RBM20: variants seen among roughly 807,000 people sequenced by gnomAD.
RBM20 encodes RNA binding motif protein 20, also known as RNA-binding protein 20.
Under a neutral mutation model 110.1 loss-of-function variants are expected in RBM20, and 51 were observed. The observed-to-expected ratio is 0.46, with a 90% confidence interval of 0.37 to 0.59. The LOEUF is 0.59. Among genes scored for constraint, RBM20 ranks in the 20% least tolerant of loss-of-function variants. RBM20 has a pLI of 0.00. For missense variants in RBM20, 1,512 were observed against 1,574.9 expected, an observed-to-expected ratio of 0.96 and a Z score of 0.68; for synonymous variants, 589 against 618.2, an observed-to-expected ratio of 0.95 and a Z score of 0.70.
chr10:110,784,478 A>G (rs1844395845), intron 4 of RBM20, 46 bp downstream of exon 4: 2 of 1,322,500 alleles, frequency 1.5e-6, no homozygotes, highest in Non-Finnish European at 1.1e-6. Context: ...GAAGTGGGCT[A>G]CCCACAGGCA....
chr10:110,701,569 T>C (rs1862758223), intron 1 of RBM20, among the ~76,000 whole-genome samples: 1 of 152,212 alleles, frequency 6.6e-6, no homozygotes, highest in Non-Finnish European at 1.5e-5. Flanking sequence ...TTGCCTTATC[T>C]TGGGAAATGA....
chr10:110,710,379 C>T (rs7091450), intron 1 of RBM20, among the ~76,000 whole-genome samples: 42,147 of 152,174 alleles, frequency 0.28, 6,116 homozygotes, highest in East Asian at 0.32. Context: ...TGAGCACTTC[C>T]CATGTGATTG....
At chr10:110,794,946 TGA>T (rs1288196515) in intron 5 of RBM20, among the ~76,000 whole-genome samples, 2 of 152,190 alleles carry the variant, frequency 1.3e-5, no homozygotes, top group African/African-American at 4.8e-5. Flanking sequence ...GAGGAGACAA[TGA>T]GAGAGGCACT....
intron 13 of RBM20, among the ~76,000 whole-genome samples, chr10:110,833,840 G>A (rs1376365369): frequency 6.6e-6 from 1 of 152,216 alleles, no homozygotes; most frequent in East Asian, 1.9e-4. Flanking sequence ...GGAGCTGGGA[G>A]TTTCCACCAC....
intron 7 of RBM20, among the ~76,000 whole-genome samples, chr10:110,802,130 C>A (rs1045254253): frequency 6.6e-6 from 1 of 152,164 alleles, no homozygotes; most frequent in Admixed American, 6.5e-5. Context: ...GGGATTTTCC[C>A]GTTCACTTTA....
intron 1 of RBM20, among the ~76,000 whole-genome samples, chr10:110,683,361 A>G (rs1862450438): frequency 6.6e-6 from 1 of 152,372 alleles, no homozygotes; most frequent in South Asian, 2.1e-4. Context: ...GTTGAGTTGC[A>G]GTAAGAGTGT....
intron 1 of RBM20, among the ~76,000 whole-genome samples, chr10:110,683,383 C>T (rs986316565): frequency 6.6e-6 from 1 of 152,132 alleles, no homozygotes; most frequent in African/African-American, 2.4e-5. Flanking sequence ...CGCATTAGAG[C>T]GATTGGAGCT....
chr10:110,651,541 A>G (rs1023238045), intron 1 of RBM20, among the ~76,000 whole-genome samples: 3 of 152,192 alleles, frequency 2.0e-5, no homozygotes, highest in Non-Finnish European at 4.4e-5. Context: ...CAGAGATAAT[A>G]ATTTTCATGT....
At chr10:110,672,121 G>A (rs1590607894) in intron 1 of RBM20, among the ~76,000 whole-genome samples, 1 of 152,280 alleles carries the variant, frequency 6.6e-6, no homozygotes, top group Admixed American at 6.5e-5. Flanking sequence ...GTCTGGCATT[G>A]CTTTTACCCG....
chr10:110,801,078 G>T (rs1844616473), intron 7 of RBM20, among the ~76,000 whole-genome samples: 1 of 152,166 alleles, frequency 6.6e-6, no homozygotes, highest in African/African-American at 2.4e-5. Flanking sequence ...TTTCCTAGAT[G>T]ATAGCAAGCT....
chr10:110,768,351 G>A (rs1159213507), intron 1 of RBM20, among the ~76,000 whole-genome samples: 1 of 152,196 alleles, frequency 6.6e-6, no homozygotes, highest in Non-Finnish European at 1.5e-5. Context: ...TGCCTTGGGC[G>A]ACATCTGTGT....
Position 110,644,679 on chromosome 10 carries a change from G to T in RBM20, c.191+34G>T. On this transcript the variant is annotated intron_variant, in intron 1 of 13. Transcript: ENST00000369519. This position sits in a 1 kb window ranked among gnomAD's most constrained non-coding sequence, Gnocchi z 4.3. ...GGAGAAGGGAACAGGGACCACGGGT[G>T]CGCCTGGGGACACGCCCCGAGAGCC... is the stretch of plus-strand genomic sequence containing the variant. The T allele has an allele frequency of 7.1e-7, 1 of 1,418,266 alleles. No individual in the cohort carries two copies. 87.9% of individuals were successfully genotyped at this position (1,418,266 alleles called of 1,614,324 possible). A position where few individuals can be genotyped will look rare whatever the true frequency, so the allele number is the denominator to read the frequency against.
intron 1 of RBM20, among the ~76,000 whole-genome samples, chr10:110,753,862 A>G (rs1441646430): frequency 6.6e-6 from 1 of 152,132 alleles, no homozygotes; most frequent in Non-Finnish European, 1.5e-5. Flanking sequence ...TCCATCCTCA[A>G]AGACAGCAGC....
Position 110,823,487 on chromosome 10 carries a change from C to T in RBM20, c.3324C>T (p.Ser1108=), listed in dbSNP as rs996017428. Residue 1108 remains serine, a synonymous_variant, in exon 12 of 14, where the codon TCC becomes TCT. Transcript: ENST00000369519. ...ACQEVLTPEN[S]RYVEMKSLEV... is the part of the protein sequence containing the mutation. ...TTGGTTCATGTTTTGCAGAAAACTC[C>T]AGGTACGTGGAAATGAAATCTCTGG... The T allele has an allele frequency of 2.7e-6, 4 of 1,494,060 alleles. No individual in the cohort carries two copies. Among genetic ancestry groups the T allele is most frequent in the Non-Finnish European group, 3.6e-6 (4 of 1,118,150 alleles). The allele number at this position is 1,494,060 out of a possible 1,614,324, so 92.6% of individuals were successfully genotyped here. A position where few individuals can be genotyped will look rare whatever the true frequency, so the allele number is the denominator to read the frequency against.
intron 1 of RBM20, among the ~76,000 whole-genome samples, chr10:110,673,238 G>T (rs572684112): frequency 6.6e-6 from 1 of 151,562 alleles, no homozygotes; most frequent in Non-Finnish European, 1.5e-5. Context: ...CTGAGACGGA[G>T]TCTTGTTCTG....
chr10:110,673,050 GT>G (rs1017624903), intron 1 of RBM20, among the ~76,000 whole-genome samples: 1 of 151,844 alleles, frequency 6.6e-6, no homozygotes, highest in Non-Finnish European at 1.5e-5. Flanking sequence ...ATATTTAGGT[GT>G]TTTTTTATTT....
chr10:110,699,260 CTT>C (rs5787867), intron 1 of RBM20, among the ~76,000 whole-genome samples: 3 of 123,346 alleles, frequency 2.4e-5, no homozygotes, highest in African/African-American at 6.3e-5. Flanking sequence ...AAAGTGCATT[CTT>C]TTTTTTTTTT....
chr10:110,782,498 T>C (rs772952202), intron 2 of RBM20, among the ~76,000 whole-genome samples: 4 of 152,228 alleles, frequency 2.6e-5, no homozygotes, highest in Non-Finnish European at 5.9e-5. Context: ...TGAAATATTT[T>C]GAAGCAATAA....
rs191703582 is a variant in RBM20 at position 110,737,033 on chromosome 10, C to T, written c.192-43768C>T. ...CTACTAAAAATACAAAAAAATTAGCCGGGCATGGTGTTGCGCGCCTGTAAT... is the reference window on the plus strand; with the variant it reads ...CTACTAAAAATACAAAAAAATTAGCTGGGCATGGTGTTGCGCGCCTGTAAT... On this transcript the variant is annotated intron_variant, in intron 1 of 13. Coordinates refer to ENST00000369519, the MANE Select transcript of RBM20 (RefSeq NM_001134363.3). Among the ~76,000 whole-genome samples the T allele has an allele frequency of 2.9e-3, 444 of 151,694 alleles. 3 individuals are homozygous for T. The highest frequency in any genetic ancestry group is 0.01 in the African/African-American group (421 of 41,346).
Sources: allele counts gnomAD v4.1 joint callset (sites outside exome capture counted in the v4.1 genomes callset), GRCh38; gene constraint gnomAD v4.1.1; non-coding constraint Gnocchi (gnomAD v3.1); transcripts MANE v1.5; gene names NCBI Gene and HGNC (gene_info 2026-07-23, HGNC 2026-07-21).